Variants in INTS6 observed in about 807,000 individuals in gnomAD.
The protein encoded by INTS6 is integrator complex subunit 6, also known as DEAD box protein.
INTS6 carries 16 observed loss-of-function variants against 104.9 expected under a neutral mutation model. The ratio of observed to expected loss-of-function variants is 0.15; its 90% CI spans 0.10 to 0.23. The LOEUF is 0.23. Among genes scored for constraint, INTS6 ranks in the 10% least tolerant of loss-of-function variants. INTS6 has a pLI of 1.00. For synonymous variants in INTS6, 324 were observed against 358.7 expected (o/e 0.90, Z 1.09); for missense variants, 584 against 1,062.8 (o/e 0.55, Z 6.26).
intron 4 of INTS6, among the ~76,000 whole-genome samples, chr13:51,417,755 C>A (rs1956818087): frequency 6.6e-6 from 1 of 152,112 alleles, no homozygotes; most frequent in African/African-American, 2.4e-5. Context: ...CTGCACCCGG[C>A]CAGAAAATTA....
In INTS6 at chr13:51,452,226, G is replaced by T; in HGVS notation, c.112-171C>A. 1.5e-6 allele frequency: 1 copy of T among 650,170 alleles called. No individual in the cohort carries two copies. The highest frequency in any genetic ancestry group is 2.2e-6 in the Non-Finnish European group (1 of 464,302). 40.3% of individuals were successfully genotyped at this position (650,170 alleles called of 1,614,324 possible). A position where few individuals can be genotyped will look rare whatever the true frequency, so the allele number is the denominator to read the frequency against. On this transcript the variant is annotated intron_variant, in intron 1 of 17. Transcript: ENST00000311234. This position sits in a 1 kb window ranked among gnomAD's most constrained non-coding sequence, Gnocchi z 4.2. ...GATCGCTCCCCACACACCGCCCGGG[G>T]CCGGAGCCCGGGCCCCGGCCGAACC...
chr13:51,378,368 A>T lies in INTS6; in HGVS notation c.1473T>A (p.His491Gln). The change falls in exon 12 of 18, where the codon CAT becomes CAA. Residue 491 changes from histidine to glutamine, a missense_variant. By Grantham distance (24) the His-to-Gln change is conservative. This residue lies in a region of INTS6 where 74 missense variants were observed against 64.4 expected (regional missense o/e 1.15). Transcript: ENST00000311234. ...ETGIKVRSRS[H>Q]GLSMAYRKDF... ...CTTTCCTATATGCCATTGATAAACC[A>T]TGTGATCGGCTCCGGACTTTTATTC... The T allele has an allele frequency of 1.2e-6, 2 of 1,613,474 alleles. No individual in the cohort carries two copies. Among genetic ancestry groups the T allele is most frequent in the Non-Finnish European group, 1.7e-6 (2 of 1,179,506 alleles).
the INTS6 span, chr13:51,346,920 G>A: frequency 3.9e-6 from 3 of 772,362 alleles, no homozygotes; most frequent in Non-Finnish European, 6.5e-6. Flanking sequence ...AAAAAGACCT[G>A]CATTTTCGCA....
intron 7 of INTS6, chr13:51,384,423 C>G (rs527832531): frequency 1.0e-4 from 28 of 280,690 alleles, no homozygotes; most frequent in African/African-American, 6.3e-4. Context: ...ACAAAATGAG[C>G]TATGAGGAAA....
At chr13:51,338,549 G>A in the INTS6 span, among the ~76,000 whole-genome samples, 6 of 152,270 alleles carry the variant, frequency 3.9e-5, no homozygotes, top group East Asian at 9.6e-4. Context: ...ATGCATGGAT[G>A]GATGGACAGA....
At chr13:51,405,245 G>C (rs1956540019) in intron 4 of INTS6, among the ~76,000 whole-genome samples, 1 of 152,134 alleles carries the variant, frequency 6.6e-6, no homozygotes, top group Admixed American at 6.5e-5. Context: ...ACAGTGCAAA[G>C]GAGGAGAGAA....
chr13:51,451,935 C>CAGGGA (rs768572226), intron 2 of INTS6, 43 bp downstream of exon 2: 7 of 1,482,626 alleles, frequency 4.7e-6, no homozygotes, highest in Middle Eastern at 1.8e-4. Context: ...GAGGAAGGAA[C>CAGGGA]AGGGAAGGGA....
At chr13:51,374,134 C>T in intron 15 of INTS6, 74 bp downstream of exon 15, 1 of 1,225,948 alleles carries the variant, frequency 8.2e-7, no homozygotes, top group Non-Finnish European at 1.2e-6. Flanking sequence ...CTTCTATAAT[C>T]TATAACAAAA....
intron 4 of INTS6, among the ~76,000 whole-genome samples, chr13:51,403,581 CAAAAAAA>C (rs1290796257): frequency 9.8e-5 from 2 of 20,310 alleles, no homozygotes; most frequent in Admixed American, 4.9e-4. Flanking sequence ...GACTCCATTT[CAAAAAAA>C]AAAAAGAAAA....
At position 51,452,081 on chromosome 13, in the gene INTS6, C is replaced by T; in HGVS notation, c.112-26G>A. The T allele has an allele frequency of 1.2e-6, 2 of 1,601,886 alleles. No individual in the cohort carries two copies. Among genetic ancestry groups the T allele is most frequent in the Non-Finnish European group, 1.7e-6 (2 of 1,172,492 alleles). On this transcript the variant is annotated intron_variant, in intron 1 of 17. Coordinates refer to ENST00000311234, the MANE Select transcript of INTS6 (RefSeq NM_012141.3). This position sits in a 1 kb window ranked among gnomAD's most constrained non-coding sequence, Gnocchi z 4.2. ...CTGCGGGACGGGAGGAGGAACAGGG[C>T]GGGCGACAGGGAAGCACAGAGGCGA...
chr13:51,428,995 G>GT lies in INTS6; in HGVS notation c.429+1298dup, dbSNP rs563307481. Among the ~76,000 whole-genome samples, 9 of 152,186 alleles carry GT rather than the reference G, an allele frequency of 5.9e-5. No homozygotes were observed. In the South Asian group the frequency reaches 1.7e-3, roughly 28 times the overall value. Reference sequence around the variant, plus strand: ...TATACTTCTCTTTACAGCCTACTAAGTACCTTCATATACATTATTTCAAAC... The same window carrying GT: ...TATACTTCTCTTTACAGCCTACTAAGTTACCTTCATATACATTATTTCAAAC... On this transcript the variant is annotated intron_variant, in intron 4 of 17. Coordinates refer to ENST00000311234, the MANE Select transcript of INTS6 (RefSeq NM_012141.3).
intron 6 of INTS6, 22 bp from the exon 7 acceptor site, chr13:51,387,562 A>G (rs1566216981): frequency 6.3e-7 from 1 of 1,594,942 alleles, no homozygotes. Flanking sequence ...AAATTAAGAC[A>G]AAGAAAGCAT....
chr13:51,344,525 G>T, the INTS6 span: 1 of 1,472,542 alleles, frequency 6.8e-7, no homozygotes. Context: ...CTAAGGCAGA[G>T]GGCTGCAGAG....
intron 13 of INTS6, among the ~76,000 whole-genome samples, chr13:51,375,734 G>GGTGTGTGGGT (rs1555283832): frequency 2.0e-5 from 3 of 147,560 alleles, no homozygotes; most frequent in African/African-American, 7.3e-5. Context: ...TTGATAAGTG[G>GGTGTGTGGGT]GTGTGTGTGT....
At chr13:51,429,785 A>AAAAAAAATAT (rs1156333077) in intron 4 of INTS6, among the ~76,000 whole-genome samples, 42 of 92,368 alleles carry the variant, frequency 4.5e-4, no homozygotes, top group African/African-American at 1.9e-3. Flanking sequence ...AAAAAAAAAA[A>AAAAAAAATAT]ATATATATAT....
chr13:51,429,786 A>AAC (rs71085085), intron 4 of INTS6, among the ~76,000 whole-genome samples: 1 of 81,736 alleles, frequency 1.2e-5, no homozygotes, highest in Non-Finnish European at 2.2e-5. Flanking sequence ...AAAAAAAAAA[A>AAC]TATATATATA....
At chr13:51,367,933 G>T in intron 16 of INTS6, 35 bp from the exon 17 acceptor site, 1 of 1,171,468 alleles carries the variant, frequency 8.5e-7, no homozygotes. Flanking sequence ...AAAATTAAGT[G>T]CCTTTCATTT....
intron 6 of INTS6, among the ~76,000 whole-genome samples, chr13:51,388,391 T>TG (rs1956181634): frequency 1.3e-5 from 2 of 151,954 alleles, no homozygotes; most frequent in South Asian, 4.2e-4. Flanking sequence ...TTGTTTTTGT[T>TG]TTTGTTTTTC....
chr13:51,420,630 T>TA (rs1256284340), intron 4 of INTS6, among the ~76,000 whole-genome samples: 1 of 151,970 alleles, frequency 6.6e-6, no homozygotes, highest in Non-Finnish European at 1.5e-5. Context: ...TATGTTTTTT[T>TA]AAAAAAGGTT....
Sources: allele counts gnomAD v4.1 joint callset (sites outside exome capture counted in the v4.1 genomes callset), GRCh38; gene constraint gnomAD v4.1.1; regional missense constraint gnomAD v4.1.1; non-coding constraint Gnocchi (gnomAD v3.1); transcripts MANE v1.5; gene names NCBI Gene and HGNC (gene_info 2026-07-23, HGNC 2026-07-21).